Variants in NPTN observed in about 807,000 individuals in gnomAD.
NPTN encodes neuroplastin, also known as SDR-1.
NPTN carries 5 observed loss-of-function variants against 42.7 expected under a neutral mutation model. The ratio of observed to expected loss-of-function variants is 0.12; its 90% CI spans 0.06 to 0.25. The LOEUF (loss-of-function observed/expected upper bound fraction) is 0.25. Among genes scored for constraint, NPTN ranks in the 10% least tolerant of loss-of-function variants. The pLI, the probability that NPTN is intolerant of heterozygous loss-of-function variation, is 1.00. For missense variants in NPTN, 307 were observed against 525.4 expected (o/e 0.58, Z 4.06); for synonymous variants, 180 against 201.9 (o/e 0.89, Z 0.92).
At chr15:73,577,620 G>A (rs1566963904) in intron 4 of NPTN, among the ~76,000 whole-genome samples, 1 of 152,168 alleles carries the variant, frequency 6.6e-6, no homozygotes, top group Non-Finnish European at 1.5e-5. Flanking sequence ...TTAGACACAA[G>A]ATTAGAAATT....
chr15:73,589,756 C>T (rs1251907811), intron 3 of NPTN, among the ~76,000 whole-genome samples: 4 of 151,960 alleles, frequency 2.6e-5, no homozygotes, highest in African/African-American at 4.8e-5. Context: ...AGAGACATAG[C>T]CTATCCCCAG....
intron 1 of NPTN, among the ~76,000 whole-genome samples, chr15:73,599,051 C>T (rs570564721): frequency 2.6e-5 from 4 of 152,312 alleles, no homozygotes; most frequent in African/African-American, 9.6e-5. Flanking sequence ...TTAGACTAAA[C>T]GTTCTGCCTT....
chr15:73,575,397 G>A (rs910260028), intron 4 of NPTN, among the ~76,000 whole-genome samples: 2 of 152,218 alleles, frequency 1.3e-5, no homozygotes, highest in Non-Finnish European at 2.9e-5. Flanking sequence ...GATTACAGGC[G>A]TGAGCCACCA....
chr15:73,560,078 T>C lies in NPTN; in HGVS notation c.*985A>G. 1 of 574,424 alleles carries C rather than the reference T, an allele frequency of 1.7e-6. No individual in the cohort carries two copies. The highest frequency in any genetic ancestry group is 2.9e-6 in the Non-Finnish European group (1 of 349,892). The allele number at this position is 574,424 out of a possible 1,614,324, so 35.6% of individuals were successfully genotyped here. On this transcript the variant is annotated 3_prime_UTR_variant, in exon 9 of 9. Transcript: ENST00000345330. Reference sequence around the variant, plus strand: ...CCACTTTTTTATACATCATTGCACTTCAATAATTACACAAAACACACAAGT... The same window carrying C: ...CCACTTTTTTATACATCATTGCACTCCAATAATTACACAAAACACACAAGT...
Position 73,584,764 on chromosome 15 carries a change from T to TAA in NPTN, c.706+2758_706+2759dup, listed in dbSNP as rs55815192. Among the ~76,000 whole-genome samples, 833 of 122,866 alleles carry TAA rather than the reference T, an allele frequency of 6.8e-3. 7 individuals are homozygous for TAA. The highest frequency in any genetic ancestry group is 0.023 in the African/African-American group (761 of 33,328). 80.6% of individuals were successfully genotyped at this position (122,866 alleles called of 152,430 possible). ...TTATACTATGCCACATTGTGTCCTT[T>TAA]AAAAAAAAAAAAAAAAAAAAGGGAG... On this transcript the variant is annotated intron_variant, in intron 4 of 8. Coordinates refer to ENST00000345330, the MANE Select transcript of NPTN (RefSeq NM_012428.4).
chr15:73,585,800 T>C (rs926258039), intron 4 of NPTN, among the ~76,000 whole-genome samples: 6 of 152,210 alleles, frequency 3.9e-5, no homozygotes, highest in African/African-American at 1.4e-4. Context: ...GGGCTATTTG[T>C]ACAGTGAGAA....
chr15:73,599,023 A>C (rs1402593243), intron 1 of NPTN, among the ~76,000 whole-genome samples: 2 of 152,236 alleles, frequency 1.3e-5, no homozygotes, highest in African/African-American at 2.4e-5. Context: ...GAGCACAGGA[A>C]TGCAGTGATT....
chr15:73,607,901 C>T (rs555439661), intron 1 of NPTN, among the ~76,000 whole-genome samples: 1 of 152,196 alleles, frequency 6.6e-6, no homozygotes. Flanking sequence ...AGGGACCATA[C>T]TCTGACAATA....
chr15:73,605,185 A>C (rs1357999265), intron 1 of NPTN, among the ~76,000 whole-genome samples: 2 of 151,514 alleles, frequency 1.3e-5, no homozygotes, highest in Non-Finnish European at 2.9e-5. Context: ...AACTGGGGGC[A>C]GGGCTCACAC....
intron 2 of NPTN, among the ~76,000 whole-genome samples, chr15:73,593,955 C>T (rs1330095583): frequency 2.6e-5 from 4 of 152,062 alleles, no homozygotes; most frequent in African/African-American, 9.7e-5. Flanking sequence ...CTTAAGAAGT[C>T]GAGCAGAACG....
intron 5 of NPTN, among the ~76,000 whole-genome samples, chr15:73,572,357 A>G (rs980403536): frequency 1.3e-5 from 2 of 152,218 alleles, no homozygotes; most frequent in Non-Finnish European, 2.9e-5. Context: ...CTCTGACAGA[A>G]AAGGTAATGG....
chr15:73,580,504 T>C (rs1895969939), intron 4 of NPTN, among the ~76,000 whole-genome samples: 1 of 130,790 alleles, frequency 7.6e-6, no homozygotes, highest in Non-Finnish European at 1.5e-5. Context: ...CATAAATATA[T>C]ATATTATATA....
At position 73,617,605 on chromosome 15, in the gene NPTN, T is replaced by A. The variant is rs544987890; in HGVS notation, c.91+15520A>T. On this transcript the variant is annotated intron_variant, in intron 1 of 8. Coordinates refer to ENST00000345330, the MANE Select transcript of NPTN (RefSeq NM_012428.4). ...TACTGGGCCTGTCAAGTTTTTCCAG[T>A]GGTATATTTTGAGAGTTCAAGACTT... 2.0e-4 allele frequency among the ~76,000 whole-genome samples: 31 copies of A among 152,316 alleles called. 1 individual carries two copies. Among genetic ancestry groups the A allele is most frequent in the African/African-American group, 7.2e-4 (30 of 41,584 alleles).
At chr15:73,567,580 G>A (rs1343187149) in intron 6 of NPTN, 6 of 985,198 alleles carry the variant, frequency 6.1e-6, no homozygotes, top group Non-Finnish European at 7.2e-6. Context: ...GGCTAAAGAA[G>A]GAAAAGGCAG....
At chr15:73,573,860 C>G (rs995732304) in intron 4 of NPTN, 65 bp from the exon 5 acceptor site, 3 of 1,576,956 alleles carry the variant, frequency 1.9e-6, no homozygotes, top group African/African-American at 2.7e-5. Context: ...AAAGGCCCCA[C>G]CTTCTGGCTC....
At chr15:73,584,754 T>C (rs1361937149) in intron 4 of NPTN, among the ~76,000 whole-genome samples, 1 of 147,918 alleles carries the variant, frequency 6.8e-6, no homozygotes, top group Non-Finnish European at 1.5e-5. Flanking sequence ...CTATGCCACA[T>C]TGTGTCCTTT....
At chr15:73,576,903 C>T (rs183378790) in intron 4 of NPTN, among the ~76,000 whole-genome samples, 1 of 152,240 alleles carries the variant, frequency 6.6e-6, no homozygotes, top group East Asian at 1.9e-4. Flanking sequence ...TCAGTTCTAT[C>T]ATGATTTGTT....
chr15:73,615,668 G>A (rs1176795250), intron 1 of NPTN, among the ~76,000 whole-genome samples: 1 of 152,022 alleles, frequency 6.6e-6, no homozygotes, highest in Non-Finnish European at 1.5e-5. Flanking sequence ...TTTCATCCCC[G>A]ATCTGAATTA....
chr15:73,585,378 G>T (rs1896267455), intron 4 of NPTN, among the ~76,000 whole-genome samples: 1 of 152,132 alleles, frequency 6.6e-6, no homozygotes, highest in Non-Finnish European at 1.5e-5. Context: ...GGAATAAAAT[G>T]AGAGTTTCTA....
Sources: gnomAD v4.1 joint callset for allele counts (sites outside exome capture counted in the v4.1 genomes callset) on GRCh38, gnomAD v4.1.1 for gene constraint, MANE v1.5 for transcripts, NCBI Gene and HGNC (gene_info 2026-07-23, HGNC 2026-07-21) for gene names.